Variants in C2CD3 observed in about 807,000 individuals in gnomAD.
The protein encoded by C2CD3 is C2 domain-containing protein 3.
A neutral mutation model predicts 234.0 loss-of-function variants in C2CD3; 148 were observed. The observed-to-expected ratio is 0.63, with a 90% CI of 0.55 to 0.72. The LOEUF is 0.72. Ranked by LOEUF, C2CD3 falls within the 30% of genes least tolerant of loss-of-function variation. C2CD3 has a pLI of 0.00. For synonymous variants in C2CD3, 1,000 were observed against 1,035.4 expected, an observed-to-expected ratio of 0.97 and a Z score of 0.66; for missense variants, 2,577 against 2,811.5, an observed-to-expected ratio of 0.92 and a Z score of 1.89.
At position 74,131,588 on chromosome 11, in the gene C2CD3, CT is replaced by C. The variant is rs201739327; in HGVS notation, c.1217+1255del. Among the ~76,000 whole-genome samples, 451 of 145,844 alleles carry C rather than the reference CT, an allele frequency of 3.1e-3. 4 individuals carry two copies. Among genetic ancestry groups the C allele is most frequent in the African/African-American group, 9.7e-3 (389 of 40,052 alleles). On this transcript the variant is annotated intron_variant, in intron 7 of 32. Coordinates refer to ENST00000334126, the MANE Select transcript of C2CD3 (RefSeq NM_001286577.2). ...CTAATTGGAGGTTTTGTTTTTCTTT[CT>C]TTTTTTTTTTGAGATGGAGTCTTAC...
chr11:74,155,269 C>T (rs1211807126), intron 3 of C2CD3, among the ~76,000 whole-genome samples: 1 of 152,096 alleles, frequency 6.6e-6, no homozygotes, highest in East Asian at 1.9e-4. Context: ...ATAAAAAATA[C>T]ACAAATATTA....
At chr11:74,152,257 G>C (rs1186384108) in intron 3 of C2CD3, among the ~76,000 whole-genome samples, 1 of 152,082 alleles carries the variant, frequency 6.6e-6, no homozygotes, top group Non-Finnish European at 1.5e-5. Context: ...GACAGAAAAG[G>C]GATGTTATAA....
chr11:74,085,549 AG>A lies in C2CD3; in HGVS notation c.3910+68del, dbSNP rs2070352023. ...TTAAATACTGCAGTATGTATCTCCTAGGAAGGGCTATACTATTCACAATGCA... is the reference window on the plus strand; with the variant it reads ...TTAAATACTGCAGTATGTATCTCCTAGAAGGGCTATACTATTCACAATGCA... On this transcript the variant is annotated intron_variant, in intron 21 of 32. Transcript: ENST00000334126. The A allele has an allele frequency of 2.0e-6, 3 of 1,493,938 alleles. No individual in the cohort carries two copies. In the African/African-American group the frequency reaches 4.2e-5, roughly 21 times the overall value. 92.5% of individuals were successfully genotyped at this position (1,493,938 alleles called of 1,614,324 possible). A position where few individuals can be genotyped will look rare whatever the true frequency, so the allele number is the denominator to read the frequency against.
intron 2 of C2CD3, chr11:74,165,011 C>T (rs1373419935): frequency 6.6e-6 from 1 of 152,120 alleles, no homozygotes; most frequent in African/African-American, 2.4e-5. Flanking sequence ...GTTGAGGCTA[C>T]AGTGAACTGT....
rs1303375140 is a variant in C2CD3 at position 74,085,741 on chromosome 11, G to A, written c.3787C>T (p.His1263Tyr). Reference protein sequence around the residue: ...VACSFCPEFSHHVEFTCNLVT... With the variant: ...VACSFCPEFSYHVEFTCNLVT... ...AAGTTACATGTGAACTCAACGTGATGGGAGAACTCAGGGCAGAAAGAACAG... is the reference window on the plus strand; with the variant it reads ...AAGTTACATGTGAACTCAACGTGATAGGAGAACTCAGGGCAGAAAGAACAG... Residue 1263 changes from histidine to tyrosine, a missense_variant, in exon 21 of 33, where the codon CAT becomes TAT. By Grantham distance (83) the His-to-Tyr change is moderately conservative. Transcript: ENST00000334126. 1 of 1,613,998 alleles carries A rather than the reference G, an allele frequency of 6.2e-7. No individual in the cohort carries two copies. The highest frequency in any genetic ancestry group is 8.5e-7 in the Non-Finnish European group (1 of 1,180,028).
chr11:74,141,021 A>G (rs530896530), intron 3 of C2CD3, among the ~76,000 whole-genome samples: 1 of 152,334 alleles, frequency 6.6e-6, no homozygotes, highest in South Asian at 2.1e-4. Flanking sequence ...GATATACTCC[A>G]AAGGAAAAGA....
chr11:74,086,574 G>C (rs1270837337), intron 20 of C2CD3, among the ~76,000 whole-genome samples: 1 of 152,136 alleles, frequency 6.6e-6, no homozygotes, highest in African/African-American at 2.4e-5. Context: ...CTGATGTTCT[G>C]TAAGATTACT....
At chr11:74,032,861 CTT>C (rs1952579288) in intron 31 of C2CD3, among the ~76,000 whole-genome samples, 1 of 145,396 alleles carries the variant, frequency 6.9e-6, no homozygotes, top group Non-Finnish European at 1.5e-5. Flanking sequence ...TAACCTGTCT[CTT>C]AAAAAAAAAA....
chr11:74,024,197 G>A, intron 32 of C2CD3, among the ~76,000 whole-genome samples: 1 of 152,120 alleles, frequency 6.6e-6, no homozygotes, highest in East Asian at 1.9e-4. Flanking sequence ...AGAACAATCA[G>A]AACAATGCTT....
rs1955902914 is a variant in C2CD3 at position 74,091,792 on chromosome 11, G to C, written c.3517+624C>G. On this transcript the variant is annotated intron_variant, in intron 19 of 32. Transcript: ENST00000334126. ...TTTATGGCATGAGGGCTTATAAAAT[G>C]CTTGCTGAAGTTAAAGGTGAAATGA... is the stretch of plus-strand genomic sequence containing the variant. 2.0e-5 allele frequency among the ~76,000 whole-genome samples: 3 copies of C among 152,082 alleles called. No homozygotes were observed. The South Asian group carries it at 6.2e-4, about 31-fold the overall frequency.
chr11:74,016,646 A>G (rs546550993), intron 32 of C2CD3: 1 of 152,414 alleles, frequency 6.6e-6, no homozygotes, highest in South Asian at 2.1e-4. Context: ...TTTAGAAACC[A>G]TCTTGACTAG....
intron 21 of C2CD3, chr11:74,085,399 C>G (rs1955595611): frequency 1.8e-6 from 1 of 542,662 alleles, no homozygotes; most frequent in Non-Finnish European, 3.3e-6. Flanking sequence ...CTCGATACAC[C>G]CATTAACACT....
Position 74,033,575 on chromosome 11 carries a change from T to A in C2CD3, c.6585A>T (p.Pro2195=). The A allele has an allele frequency of 6.5e-7, 1 of 1,536,152 alleles. No homozygotes were observed. The highest frequency in any genetic ancestry group is 2.4e-5 in the East Asian group (1 of 40,914). The part of the protein sequence containing the change: ...QSSTFVGWSS[P]QTDQNKEPKS... ...TGGGCTCCTTGTTCTGATCTGTCTG[T>A]GGTGAGCTCCATCCAACAAACGTGC... is the stretch of plus-strand genomic sequence containing the variant. Residue 2195 remains proline, a synonymous_variant, in exon 31 of 33, where the codon CCA becomes CCT. Transcript: ENST00000334126.
At chr11:74,027,244 C>T (rs2007567) in intron 32 of C2CD3, among the ~76,000 whole-genome samples, 92,419 of 151,904 alleles carry the variant, frequency 0.61, 30,239 homozygotes, top group African/African-American at 0.88. Context: ...GTAGCAGGGA[C>T]TATAGGCACG....
At chr11:74,075,657 T>C (rs924596869) in intron 23 of C2CD3, among the ~76,000 whole-genome samples, 7 of 152,198 alleles carry the variant, frequency 4.6e-5, no homozygotes, top group African/African-American at 1.4e-4. Context: ...AACTGATTCA[T>C]AGATGGCAAT....
chr11:74,088,899 C>T (rs191211264), intron 20 of C2CD3, among the ~76,000 whole-genome samples: 2 of 152,126 alleles, frequency 1.3e-5, no homozygotes, highest in African/African-American at 4.8e-5. Flanking sequence ...GGAAGTTGGA[C>T]CTTATTATAT....
In C2CD3 at chr11:74,078,695, G is replaced by A. The variant is rs759098035; in HGVS notation, c.4023C>T (p.Ile1341=). 4.5e-5 allele frequency: 72 copies of A among 1,608,952 alleles called. No individual in the cohort carries two copies. Among genetic ancestry groups the A allele is most frequent in the Non-Finnish European group, 6.0e-5 (71 of 1,177,646 alleles). ...GTAGGCCCCCGTCTTCTGGTAAAAT[G>A]ATAGGATACCATCCTGTGATCCCTT... is the stretch of plus-strand genomic sequence containing the variant. The part of the protein sequence containing the change: ...KRSGITGWYP[I]ILPEDGGLPH... The change falls in exon 23 of 33, where the codon ATC becomes ATT. Residue 1341 remains isoleucine (I), a synonymous_variant. Transcript: ENST00000334126.
intron 20 of C2CD3, among the ~76,000 whole-genome samples, chr11:74,090,300 G>A (rs1004568192): frequency 2.6e-5 from 4 of 152,154 alleles, no homozygotes; most frequent in Admixed American, 6.5e-5. Flanking sequence ...AGGCTGAGGC[G>A]GGTGGATCAC....
chr11:74,050,979 T>TA (rs764568277), intron 26 of C2CD3, among the ~76,000 whole-genome samples: 1 of 151,254 alleles, frequency 6.6e-6, no homozygotes, highest in South Asian at 2.1e-4. Context: ...TAATGAGAAG[T>TA]ACTGAACCAG....
Sources: gnomAD v4.1 joint callset for allele counts (sites outside exome capture counted in the v4.1 genomes callset) on GRCh38, gnomAD v4.1.1 for gene constraint, MANE v1.5 for transcripts, NCBI Gene and HGNC (gene_info 2026-07-23, HGNC 2026-07-21) for gene names.